ACACA: variants seen among roughly 807,000 people sequenced by gnomAD.
ACACA encodes acetyl-CoA carboxylase 1.
Under a neutral mutation model 296.1 loss-of-function variants are expected in ACACA, and 103 were observed. The ratio of observed to expected loss-of-function variants is 0.35; its 90% confidence interval spans 0.30 to 0.41. ACACA has a LOEUF of 0.41. Ranked by LOEUF, ACACA falls within the 10% of genes least tolerant of loss-of-function variation. The pLI is 1.00. For synonymous variants in ACACA, 953 were observed against 1,038.6 expected, an observed-to-expected ratio of 0.92 and a Z score of 1.58; for missense variants, 1,554 against 2,989.7, an observed-to-expected ratio of 0.52 and a Z score of 11.20.
chr17:37,299,616 G>C (rs1598432632), intron 3 of ACACA: 2 of 1,212,512 alleles, frequency 1.6e-6, no homozygotes, highest in East Asian at 3.7e-5. Flanking sequence ...TTTCCCAAGG[G>C]AACTGAGAGG....
chr17:37,378,436 G>A (rs947079432), intron 1 of ACACA, among the ~76,000 whole-genome samples: 1 of 152,244 alleles, frequency 6.6e-6, no homozygotes, highest in Non-Finnish European at 1.5e-5. Flanking sequence ...GCTTTGGCCA[G>A]GCATGGTGGC....
intron 2 of ACACA, among the ~76,000 whole-genome samples, chr17:37,334,818 G>A (rs538913742): frequency 2.0e-5 from 3 of 152,174 alleles, no homozygotes; most frequent in Admixed American, 6.5e-5. Context: ...CAGCGTCCCG[G>A]AAATATTGAT....
In ACACA at chr17:37,388,721, T is replaced by G. The variant is rs747538887; in HGVS notation, c.38+17541A>C. ...CAGAAATGGAGTATTGTGGTCAAAA[T>G]TCTGATTGCTGTCACCCTGTTGCTC... On this transcript the variant is annotated intron_variant, in intron 1 of 55. Coordinates refer to ENST00000616317, the MANE Select transcript of ACACA (RefSeq NM_198834.3). 3 of 1,612,256 alleles carry G rather than the reference T, an allele frequency of 1.9e-6. No individual in the cohort carries two copies. In the Admixed American group the frequency reaches 5.0e-5, roughly 27 times the overall value.
chr17:37,403,521 G>A lies in ACACA; in HGVS notation c.38+2741C>T, dbSNP rs141512815. On this transcript the variant is annotated intron_variant, in intron 1 of 55. Coordinates refer to ENST00000616317, the MANE Select transcript of ACACA (RefSeq NM_198834.3). ...TAAGTAGCTGGGACTACAGGCATGC[G>A]CCACTACACCTGGCTAATTTTTGCA... Among the ~76,000 whole-genome samples the A allele has an allele frequency of 8.8e-3, 1,333 of 151,958 alleles. 19 individuals carry two copies. The highest frequency in any genetic ancestry group is 0.031 in the African/African-American group (1,282 of 41,458).
intron 38 of ACACA, among the ~76,000 whole-genome samples, chr17:37,190,489 T>TTTA (rs1442407010): frequency 2.6e-5 from 4 of 152,088 alleles, no homozygotes; most frequent in African/African-American, 4.8e-5. Flanking sequence ...GCAGCCTGTC[T>TTTA]TTATTACACT....
chr17:37,306,633 G>A (rs2083898499), intron 3 of ACACA, among the ~76,000 whole-genome samples: 1 of 151,704 alleles, frequency 6.6e-6, no homozygotes, highest in South Asian at 2.1e-4. Flanking sequence ...TAAATATAGT[G>A]TTATATAATG....
chr17:37,246,872 T>C lies in ACACA; in HGVS notation c.2414A>G (p.Glu805Gly). Reference sequence around the variant, plus strand: ...GCCGGCAAACACATGACCTCCATCTTCTACAATGTACTGGATTAACTTCCC... The same window carrying C: ...GCCGGCAAACACATGACCTCCATCTCCTACAATGTACTGGATTAACTTCCC... Reference protein sequence around the residue: ...SAGKLIQYIVEDGGHVFAGQC... With the variant: ...SAGKLIQYIVGDGGHVFAGQC... The change falls in exon 19 of 56, where the codon GAA becomes GGA. Residue 805 changes from glutamate to glycine, a missense_variant. Physicochemically the swap from Glu to Gly is moderately conservative, Grantham distance 98. Around this residue, in one of 16 missense-constraint regions of ACACA, gnomAD observed 316 missense variants for 540.9 expected, o/e 0.58. Coordinates refer to ENST00000616317, the MANE Select transcript of ACACA (RefSeq NM_198834.3). The C allele has an allele frequency of 6.2e-7, 1 of 1,614,102 alleles. No homozygotes were observed. The highest frequency in any genetic ancestry group is 8.5e-7 in the Non-Finnish European group (1 of 1,180,032).
In ACACA at chr17:37,086,851, T is replaced by TG; in HGVS notation, c.*464dup. 1 of 240,532 alleles carries TG rather than the reference T, an allele frequency of 4.2e-6. No individual in the cohort carries two copies. The highest frequency in any genetic ancestry group is 6.2e-5 in the South Asian group (1 of 16,006). The allele number at this position is 240,532 out of a possible 1,614,324, so 14.9% of individuals were successfully genotyped here. A position where few individuals can be genotyped will look rare whatever the true frequency, so the allele number is the denominator to read the frequency against. On this transcript the variant is annotated 3_prime_UTR_variant, in exon 56 of 56. Coordinates refer to ENST00000616317, the MANE Select transcript of ACACA (RefSeq NM_198834.3). ...GAGTCGGGGTAATAAACAATGGACT[T>TG]GAGGCTTCCTCCTCTCCTTAGCCCT...
intron 16 of ACACA, among the ~76,000 whole-genome samples, chr17:37,250,317 AC>A (rs1482912963): frequency 3.9e-5 from 6 of 152,284 alleles, no homozygotes; most frequent in African/African-American, 1.4e-4. Context: ...TGAATTTTGA[AC>A]CACATGAATG....
intron 52 of ACACA, among the ~76,000 whole-genome samples, chr17:37,104,073 T>A (rs2073526768): frequency 6.6e-6 from 1 of 152,112 alleles, no homozygotes; most frequent in Non-Finnish European, 1.5e-5. Context: ...AGAAGAAGAA[T>A]TATCTTGGGC....
At chr17:37,362,714 T>G (rs2049448676) in intron 1 of ACACA, among the ~76,000 whole-genome samples, 1 of 152,128 alleles carries the variant, frequency 6.6e-6, no homozygotes, top group Non-Finnish European at 1.5e-5. Context: ...CTCACGCCTG[T>G]AATCCCAGCA....
In ACACA at chr17:37,365,702, C is replaced by T. The variant is rs530073359; in HGVS notation, c.39-25852G>A. The stretch of plus-strand genomic sequence containing the variant: ...ATTAAGAGCCTGAAGGAACTTCATA[C>T]CATAAGGTCAGAAAATCTCCTCAGG... On this transcript the variant is annotated intron_variant, in intron 1 of 55. Transcript: ENST00000616317. 50 of 985,402 alleles carry T rather than the reference C, an allele frequency of 5.1e-5. No individual in the cohort carries two copies. The African/African-American group carries it at 8.4e-4, about 16-fold the overall frequency. 61.0% of individuals were successfully genotyped at this position (985,402 alleles called of 1,614,324 possible).
At chr17:37,223,727 G>C in intron 27 of ACACA, 126 bp from the exon 28 acceptor site, 1 of 725,676 alleles carries the variant, frequency 1.4e-6, no homozygotes, top group South Asian at 1.5e-5. Flanking sequence ...TAATCTCTCT[G>C]TGCCTCAGCT....
intron 41 of ACACA, among the ~76,000 whole-genome samples, chr17:37,166,570 T>C (rs1228014228): frequency 6.6e-6 from 1 of 152,250 alleles, no homozygotes; most frequent in East Asian, 1.9e-4. Flanking sequence ...TAACAATAGC[T>C]ATCATAATAA....
intron 52 of ACACA, among the ~76,000 whole-genome samples, chr17:37,110,768 A>G (rs562500553): frequency 6.6e-6 from 1 of 152,326 alleles, no homozygotes; most frequent in Non-Finnish European, 1.5e-5. Context: ...GTTCCTTTAG[A>G]AAAAAACAAA....
At chr17:37,299,140 T>C in intron 3 of ACACA, 2 of 868,648 alleles carry the variant, frequency 2.3e-6, no homozygotes, top group Non-Finnish European at 3.5e-6. Context: ...CCATTTTTAT[T>C]CATTTTCTTA....
chr17:37,227,475 G>C (rs547667302), intron 25 of ACACA, among the ~76,000 whole-genome samples: 77 of 152,204 alleles, frequency 5.1e-4, no homozygotes, highest in African/African-American at 1.8e-3. Context: ...ATTTTGGGAG[G>C]TCAAGACAGG....
chr17:37,204,180 T>C (rs1168088057), intron 33 of ACACA, among the ~76,000 whole-genome samples: 1 of 152,232 alleles, frequency 6.6e-6, no homozygotes, highest in Admixed American at 6.5e-5. Context: ...CACATGGGTC[T>C]TGCCATCAAG....
chr17:37,102,366 G>A (rs548434875), intron 52 of ACACA, among the ~76,000 whole-genome samples: 1 of 152,158 alleles, frequency 6.6e-6, no homozygotes, highest in East Asian at 1.9e-4. Flanking sequence ...CACCAAGCCT[G>A]ACTGATTTTT....
Sources: allele counts gnomAD v4.1 joint callset (sites outside exome capture counted in the v4.1 genomes callset), GRCh38; gene constraint gnomAD v4.1.1; regional missense constraint gnomAD v4.1.1; transcripts MANE v1.5; gene names NCBI Gene and HGNC (gene_info 2026-07-23, HGNC 2026-07-21).